CYP7B1: variants seen among roughly 807,000 people sequenced by gnomAD.
CYP7B1 encodes cytochrome P450 7B1.
A neutral mutation model predicts 42.7 loss-of-function variants in CYP7B1; 29 were observed. That is an observed-to-expected ratio of 0.68 (90% CI 0.51 to 0.93). The LOEUF is 0.93. CYP7B1 is among the 40% of genes least tolerant of loss of function. The pLI is 0.00. For synonymous variants in CYP7B1, 235 were observed against 218.2 expected (o/e 1.08, Z -0.68); for missense variants, 655 against 600.5 (o/e 1.09, Z -0.95).
At chr8:64,707,685 C>T (rs895311307) in intron 1 of CYP7B1, among the ~76,000 whole-genome samples, 2 of 151,690 alleles carry the variant, frequency 1.3e-5, no homozygotes, top group Non-Finnish European at 2.9e-5. Context: ...ACATTTTATT[C>T]AATTAGTTTT....
intron 4 of CYP7B1, among the ~76,000 whole-genome samples, chr8:64,607,932 T>C (rs1054591462): frequency 2.6e-5 from 4 of 152,214 alleles, no homozygotes. Flanking sequence ...CACTGCAAGC[T>C]GCCAACAACT....
At chr8:64,604,563 C>A in intron 5 of CYP7B1, 119 bp downstream of exon 5, 1 of 1,000,904 alleles carries the variant, frequency 1.0e-6, no homozygotes. Flanking sequence ...ATAATAGAAG[C>A]CATCAAGCTG....
At chr8:64,764,076 C>T (rs1807932471) in intron 1 of CYP7B1, among the ~76,000 whole-genome samples, 1 of 152,164 alleles carries the variant, frequency 6.6e-6, no homozygotes, top group Admixed American at 6.5e-5. Flanking sequence ...GTGTCCCTCC[C>T]AATTTAGGTA....
At chr8:64,650,085 T>C (rs1357438996) in intron 1 of CYP7B1, among the ~76,000 whole-genome samples, 1 of 152,196 alleles carries the variant, frequency 6.6e-6, no homozygotes, top group Non-Finnish European at 1.5e-5. Context: ...TTTTTTATTT[T>C]GTTGCCTGTG....
rs573390316 is a variant in CYP7B1 at position 64,740,837 on chromosome 8, C to CA, written c.122+57628dup. Among the ~76,000 whole-genome samples, 262 of 151,912 alleles carry CA rather than the reference C, an allele frequency of 1.7e-3. 1 individual carries two copies. The highest frequency in any genetic ancestry group is 5.9e-3 in the African/African-American group (243 of 41,478). On this transcript the variant is annotated intron_variant, in intron 1 of 5. Coordinates refer to ENST00000310193, the MANE Select transcript of CYP7B1 (RefSeq NM_004820.5). ...ATCTTTTGAATAGGCCTATATCTATCAAAAAAAATCCAGTTCCTAACTAAT... is the reference window on the plus strand; with the variant it reads ...ATCTTTTGAATAGGCCTATATCTATCAAAAAAAAATCCAGTTCCTAACTAAT...
At chr8:64,612,511 A>T (rs1371990416) in intron 4 of CYP7B1, among the ~76,000 whole-genome samples, 1 of 152,154 alleles carries the variant, frequency 6.6e-6, no homozygotes, top group African/African-American at 2.4e-5. Context: ...AGCATTGAAA[A>T]AAGGACAAAT....
intron 1 of CYP7B1, among the ~76,000 whole-genome samples, chr8:64,767,039 C>G (rs189999660): frequency 2.5e-3 from 378 of 152,290 alleles, no homozygotes; most frequent in African/African-American, 8.3e-3. Context: ...TTTTCACATG[C>G]CTTTCTAATT....
chr8:64,722,655 T>A (rs563442465), intron 1 of CYP7B1, among the ~76,000 whole-genome samples: 1 of 145,584 alleles, frequency 6.9e-6, no homozygotes, highest in South Asian at 2.1e-4. Context: ...CAACTCCTGA[T>A]GCTTACCTAG....
At chr8:64,660,832 T>C (rs1362762227) in intron 1 of CYP7B1, among the ~76,000 whole-genome samples, 1 of 152,182 alleles carries the variant, frequency 6.6e-6, no homozygotes, top group South Asian at 2.1e-4. Flanking sequence ...GGCATCATAG[T>C]AGGCTAACCA....
intron 1 of CYP7B1, among the ~76,000 whole-genome samples, chr8:64,771,381 A>T (rs569228278): frequency 1.8e-4 from 28 of 152,176 alleles, no homozygotes; most frequent in African/African-American, 6.3e-4. Context: ...AAAAATGTAC[A>T]TGCTTTAATA....
chr8:64,689,170 C>T (rs1806701044), intron 1 of CYP7B1, among the ~76,000 whole-genome samples: 1 of 152,106 alleles, frequency 6.6e-6, no homozygotes, highest in South Asian at 2.1e-4. Context: ...TTTATAATGT[C>T]CTATGCAAGT....
chr8:64,683,924 T>C (rs867375227), intron 1 of CYP7B1, among the ~76,000 whole-genome samples: 9 of 152,318 alleles, frequency 5.9e-5, no homozygotes, highest in Non-Finnish European at 8.8e-5. Flanking sequence ...ACTTCATTCC[T>C]GTTGCTGTTC....
chr8:64,722,840 A>C lies in CYP7B1; in HGVS notation c.122+75626T>G, dbSNP rs948082346. On this transcript the variant is annotated intron_variant, in intron 1 of 5. Transcript: ENST00000310193. ...CATAAGGCCCTGTTCACTTCATTTA[A>C]GCCTCACAATGACTGGAAGCCTGAT... Among the ~76,000 whole-genome samples the C allele has an allele frequency of 2.0e-5, 3 of 150,192 alleles. 1 individual carries two copies. The highest frequency in any genetic ancestry group is 4.4e-5 in the Non-Finnish European group (3 of 67,820).
intron 1 of CYP7B1, among the ~76,000 whole-genome samples, chr8:64,747,727 C>T (rs185682955): frequency 1.7e-4 from 26 of 151,876 alleles, no homozygotes; most frequent in African/African-American, 4.1e-4. Flanking sequence ...TTTACCGATA[C>T]GTAAAATGGG....
chr8:64,786,914 C>T lies in CYP7B1; in HGVS notation c.122+11552G>A, dbSNP rs201058772. 3.9e-5 allele frequency among the ~76,000 whole-genome samples: 6 copies of T among 152,252 alleles called. No individual in the cohort carries two copies. In the East Asian group the frequency reaches 1.2e-3, roughly 29 times the overall value. On this transcript the variant is annotated intron_variant, in intron 1 of 5. Transcript: ENST00000310193. ...GACTTCTGTGCACCCACAGGCTCAACACCACATGGAAGCTGCCAAAACTTG... is the reference window on the plus strand; with the variant it reads ...GACTTCTGTGCACCCACAGGCTCAATACCACATGGAAGCTGCCAAAACTTG...
intron 1 of CYP7B1, among the ~76,000 whole-genome samples, chr8:64,780,468 T>C (rs1276825525): frequency 3.3e-5 from 5 of 152,092 alleles, no homozygotes; most frequent in Admixed American, 3.3e-4. Flanking sequence ...AGGCTTTCTA[T>C]TATTTTTTAT....
At chr8:64,740,674 C>G (rs1191805580) in intron 1 of CYP7B1, among the ~76,000 whole-genome samples, 1 of 151,346 alleles carries the variant, frequency 6.6e-6, no homozygotes, top group Non-Finnish European at 1.5e-5. Flanking sequence ...GGGGTAATCA[C>G]TATAGATCCA....
intron 1 of CYP7B1, among the ~76,000 whole-genome samples, chr8:64,700,924 TTG>T (rs1806906588): frequency 4.0e-5 from 1 of 25,126 alleles, no homozygotes; most frequent in African/African-American, 9.1e-5. Flanking sequence ...TAGTCACTTT[TTG>T]TTGTTGTTGT....
intron 1 of CYP7B1, among the ~76,000 whole-genome samples, chr8:64,736,264 C>T (rs1585885441): frequency 6.6e-6 from 1 of 152,246 alleles, no homozygotes; most frequent in South Asian, 2.1e-4. Flanking sequence ...ATATTAGATT[C>T]AAATCATTGC....
Sources: gnomAD v4.1 joint callset for allele counts (sites outside exome capture counted in the v4.1 genomes callset) on GRCh38, gnomAD v4.1.1 for gene constraint, MANE v1.5 for transcripts, NCBI Gene and HGNC (gene_info 2026-07-23, HGNC 2026-07-21) for gene names.